The following RABGAP1L variants were observed in gnomAD, a reference collection of about 807,000 sequenced individuals.
RABGAP1L encodes the protein RAB GTPase activating protein 1 like.
Under a neutral mutation model 137.7 loss-of-function variants are expected in RABGAP1L, and 63 were observed. That is an observed-to-expected ratio of 0.46 (90% CI 0.37 to 0.56). RABGAP1L has a LOEUF of 0.56. RABGAP1L is among the 20% of genes least tolerant of loss of function. RABGAP1L has a pLI of 0.00. For missense variants in RABGAP1L, 1,095 were observed against 1,244.0 expected (o/e 0.88, Z 1.80); for synonymous variants, 431 against 433.7 (o/e 0.99, Z 0.08).
intron 13 of RABGAP1L, among the ~76,000 whole-genome samples, chr1:174,510,800 A>T (rs958147064): frequency 6.6e-6 from 1 of 152,226 alleles, no homozygotes; most frequent in African/African-American, 2.4e-5. Context: ...AAGAAATTTA[A>T]TAAGAGAGTC....
At chr1:174,977,561 G>A (rs1321475744) in intron 22 of RABGAP1L, among the ~76,000 whole-genome samples, 1 of 152,186 alleles carries the variant, frequency 6.6e-6, no homozygotes, top group Non-Finnish European at 1.5e-5. Context: ...AACAATGCAA[G>A]ATGCTTTGCA....
At chr1:174,465,403 T>C (rs1657178163) in intron 13 of RABGAP1L, among the ~76,000 whole-genome samples, 1 of 152,016 alleles carries the variant, frequency 6.6e-6, no homozygotes, top group Admixed American at 6.5e-5. Flanking sequence ...TTTCACCACA[T>C]TGGCCAGGCT....
intron 13 of RABGAP1L, among the ~76,000 whole-genome samples, chr1:174,520,752 C>T (rs1027250438): frequency 6.6e-6 from 1 of 152,122 alleles, no homozygotes; most frequent in African/African-American, 2.4e-5. Context: ...TCTGTAATCC[C>T]AGCACTTTGG....
intron 13 of RABGAP1L, among the ~76,000 whole-genome samples, chr1:174,543,963 C>T (rs557259976): frequency 2.6e-5 from 4 of 152,300 alleles, no homozygotes; most frequent in East Asian, 1.9e-4. Flanking sequence ...CCGAGAGATC[C>T]GCTGTTAGTC....
chr1:174,165,158 T>TTTTG (rs964159614), intron 1 of RABGAP1L, among the ~76,000 whole-genome samples: 3 of 152,046 alleles, frequency 2.0e-5, no homozygotes, highest in Non-Finnish European at 4.4e-5. Flanking sequence ...TTACTTTTAT[T>TTTTG]TTTGTTTGTT....
chr1:174,856,408 A>G (rs1649308868), intron 19 of RABGAP1L, among the ~76,000 whole-genome samples: 1 of 151,736 alleles, frequency 6.6e-6, no homozygotes, highest in Middle Eastern at 3.2e-3. Context: ...AAAAAAAAAA[A>G]AAAAAGAAAA....
At chr1:174,617,808 G>A (rs915306057) in intron 13 of RABGAP1L, among the ~76,000 whole-genome samples, 4 of 152,292 alleles carry the variant, frequency 2.6e-5, no homozygotes, top group African/African-American at 9.6e-5. Context: ...CAGAAGACGG[G>A]TGATTTCGCA....
intron 14 of RABGAP1L, among the ~76,000 whole-genome samples, chr1:174,640,921 A>T (rs988869077): frequency 1.6e-4 from 23 of 147,804 alleles, no homozygotes; most frequent in African/African-American, 4.4e-4. Context: ...CTTTTTTTTT[A>T]AAATAGTGTT....
chr1:174,666,403 T>G (rs1676790098), intron 14 of RABGAP1L, among the ~76,000 whole-genome samples: 1 of 152,214 alleles, frequency 6.6e-6, no homozygotes, highest in Non-Finnish European at 1.5e-5. Flanking sequence ...ATTCAATCTG[T>G]ACTGAAAAAA....
chr1:174,430,333 A>G (rs546514099), intron 13 of RABGAP1L, among the ~76,000 whole-genome samples: 1 of 151,840 alleles, frequency 6.6e-6, no homozygotes, highest in Non-Finnish European at 1.5e-5. Flanking sequence ...ACTCCAGCCT[A>G]GATGACAGAG....
chr1:174,200,333 A>C (rs1422889216), intron 1 of RABGAP1L, among the ~76,000 whole-genome samples: 1 of 152,248 alleles, frequency 6.6e-6, no homozygotes, highest in Admixed American at 6.5e-5. Context: ...AAGCTGGCAT[A>C]ACAGCTTCTA....
chr1:174,205,024 C>G (rs1006060204), intron 1 of RABGAP1L, among the ~76,000 whole-genome samples: 1 of 152,110 alleles, frequency 6.6e-6, no homozygotes, highest in Non-Finnish European at 1.5e-5. Context: ...TGAGAATGGA[C>G]TAATAAAGGC....
At chr1:174,989,063 T>C (rs1400317200) in intron 25 of RABGAP1L, among the ~76,000 whole-genome samples, 1 of 152,196 alleles carries the variant, frequency 6.6e-6, no homozygotes, top group African/African-American at 2.4e-5. Flanking sequence ...TTATATCTTA[T>C]GGGAATTTAA....
chr1:174,511,914 C>T (rs890410829), intron 13 of RABGAP1L, among the ~76,000 whole-genome samples: 3 of 152,032 alleles, frequency 2.0e-5, no homozygotes, highest in Non-Finnish European at 4.4e-5. Flanking sequence ...CCACTGTGCC[C>T]GGCTGTGTCC....
chr1:174,336,852 A>T (rs1681515115), intron 11 of RABGAP1L, among the ~76,000 whole-genome samples: 5 of 133,800 alleles, frequency 3.7e-5, no homozygotes, highest in Non-Finnish European at 6.3e-5. Flanking sequence ...AGTGTTTATA[A>T]ATGTGTGTGT....
intron 7 of RABGAP1L, among the ~76,000 whole-genome samples, chr1:174,265,957 ATAGT>A (rs772152601): frequency 3.3e-5 from 5 of 152,118 alleles, no homozygotes; most frequent in Non-Finnish European, 5.9e-5. Flanking sequence ...TCTAAGATAG[ATAGT>A]TAGTTACATA....
rs563645450 is a variant in RABGAP1L at position 174,377,095 on chromosome 1, C to CA, written c.1559+6029dup. ...AAAATTGGAAATAGAAATTTTGAAACAAAAAAGCACCATAAAGGAAAACCA... is the reference window on the plus strand; with the variant it reads ...AAAATTGGAAATAGAAATTTTGAAACAAAAAAAGCACCATAAAGGAAAACCA... On this transcript the variant is annotated intron_variant, in intron 12 of 25. Coordinates refer to ENST00000681986, the MANE Select transcript of RABGAP1L (RefSeq NM_001366446.1). 5.1e-3 allele frequency among the ~76,000 whole-genome samples: 781 copies of CA among 151,760 alleles called. 8 individuals carry two copies. The highest frequency in any genetic ancestry group is 0.017 in the African/African-American group (696 of 41,424).
chr1:174,429,739 CAAAAAA>C (rs1384549297), intron 13 of RABGAP1L, among the ~76,000 whole-genome samples: 2 of 83,566 alleles, frequency 2.4e-5, no homozygotes, highest in South Asian at 3.2e-4. Flanking sequence ...GACTCCATCT[CAAAAAA>C]AAAAAATAAA....
chr1:174,814,741 C>A (rs1364532782), intron 19 of RABGAP1L, among the ~76,000 whole-genome samples: 5 of 151,674 alleles, frequency 3.3e-5, no homozygotes, highest in Admixed American at 2.0e-4. Context: ...GTTGCCCAGG[C>A]TGGAGTGCAG....
Sources: gnomAD v4.1 joint callset for allele counts (sites outside exome capture counted in the v4.1 genomes callset) on GRCh38, gnomAD v4.1.1 for gene constraint, MANE v1.5 for transcripts, NCBI Gene and HGNC (gene_info 2026-07-23, HGNC 2026-07-21) for gene names.